Variants in PRKAG2 observed in about 807,000 individuals in gnomAD.
PRKAG2 encodes 5'-AMP-activated protein kinase subunit gamma-2.
Under a neutral mutation model 69.6 loss-of-function variants are expected in PRKAG2, and 26 were observed. That is an observed-to-expected ratio of 0.37 (90% confidence interval 0.27 to 0.52). PRKAG2 has a LOEUF of 0.52. PRKAG2 is among the 20% of genes least tolerant of loss of function. PRKAG2 has a pLI of 0.90. For synonymous variants in PRKAG2, 293 were observed against 285.0 expected (o/e 1.03, Z -0.28); for missense variants, 557 against 740.0 (o/e 0.75, Z 2.87).
At chr7:151,802,400 C>T (rs1314787837) in intron 1 of PRKAG2, among the ~76,000 whole-genome samples, 4 of 152,070 alleles carry the variant, frequency 2.6e-5, no homozygotes, top group Non-Finnish European at 5.9e-5. Context: ...CCAGGATGGC[C>T]GAGGGTGCCA....
intron 3 of PRKAG2, among the ~76,000 whole-genome samples, chr7:151,745,723 G>A (rs1015600392): frequency 6.6e-6 from 1 of 152,176 alleles, no homozygotes; most frequent in Non-Finnish European, 1.5e-5. Context: ...GGTGAAAAAC[G>A]ATAGCAATAA....
At chr7:151,734,046 C>T (rs1799375841) in intron 3 of PRKAG2, among the ~76,000 whole-genome samples, 1 of 152,064 alleles carries the variant, frequency 6.6e-6, no homozygotes, top group South Asian at 2.1e-4. Context: ...GTAGCTGGAA[C>T]TCTACTCGAT....
At chr7:151,685,844 T>C (rs1258619949) in intron 3 of PRKAG2, among the ~76,000 whole-genome samples, 1 of 152,136 alleles carries the variant, frequency 6.6e-6, no homozygotes, top group Non-Finnish European at 1.5e-5. Context: ...CTTGGGATCC[T>C]CATTTTTTTA....
At chr7:151,866,645 A>G (rs984376929) in intron 1 of PRKAG2, among the ~76,000 whole-genome samples, 15 of 152,292 alleles carry the variant, frequency 9.8e-5, no homozygotes, top group African/African-American at 3.6e-4. Flanking sequence ...GGTGCTTATT[A>G]CAACATATGC....
At chr7:151,653,990 C>T (rs751365732) in intron 4 of PRKAG2, among the ~76,000 whole-genome samples, 3 of 152,096 alleles carry the variant, frequency 2.0e-5, no homozygotes, top group Non-Finnish European at 4.4e-5. Context: ...CCCTTATATG[C>T]AATATAATTT....
At chr7:151,747,295 G>A (rs915341158) in intron 3 of PRKAG2, among the ~76,000 whole-genome samples, 18 of 152,178 alleles carry the variant, frequency 1.2e-4, no homozygotes, top group African/African-American at 4.1e-4. Flanking sequence ...GTTGGCTCTC[G>A]CCAGTAATCT....
chr7:151,569,755 T>C (rs1807109279), intron 10 of PRKAG2, among the ~76,000 whole-genome samples: 1 of 152,208 alleles, frequency 6.6e-6, no homozygotes, highest in African/African-American at 2.4e-5. Context: ...AGGCAGCCCA[T>C]GCTCTCACCA....
At chr7:151,660,285 A>G (rs1488001600) in intron 4 of PRKAG2, among the ~76,000 whole-genome samples, 1 of 152,224 alleles carries the variant, frequency 6.6e-6, no homozygotes, top group Non-Finnish European at 1.5e-5. Context: ...CCTTTCTTTC[A>G]ATCTCCCAGC....
chr7:151,643,418 C>G (rs1827078131), intron 4 of PRKAG2, among the ~76,000 whole-genome samples: 1 of 152,176 alleles, frequency 6.6e-6, no homozygotes. Flanking sequence ...ATTCATTAAC[C>G]CTTTCTAGAA....
rs1486850590 is a variant in PRKAG2, at chr7:151,836,750, C to A, written c.114+39757G>T. Among the ~76,000 whole-genome samples the A allele has an allele frequency of 1.3e-5, 2 of 152,212 alleles. No homozygotes were observed. The highest frequency in any genetic ancestry group is 2.9e-5 in the Non-Finnish European group (2 of 68,038). ...GAGAACTGTGAGGTAGGACCTAGCC[C>A]CTCGGGTCCCCTGCCCTCTCCTCCT... On this transcript the variant is annotated intron_variant, in intron 1 of 15. Coordinates refer to ENST00000287878, the MANE Select transcript of PRKAG2 (RefSeq NM_016203.4). This position sits in a 1 kb window ranked among gnomAD's most constrained non-coding sequence, Gnocchi z 4.1.
At chr7:151,795,847 A>ATG (rs1491304099) in intron 1 of PRKAG2, among the ~76,000 whole-genome samples, 2 of 4,976 alleles carry the variant, frequency 4.0e-4, no homozygotes, top group South Asian at 6.7e-3. Flanking sequence ...AACAAATCTC[A>ATG]TATATATATA....
chr7:151,865,883 G>A (rs6945429), intron 1 of PRKAG2, among the ~76,000 whole-genome samples: 159 of 152,184 alleles, frequency 1.0e-3, no homozygotes, highest in African/African-American at 3.7e-3. Context: ...AGCTGGGTGT[G>A]GTGGCGGGCG....
intron 1 of PRKAG2, among the ~76,000 whole-genome samples, chr7:151,843,056 A>C (rs2079348747): frequency 6.6e-6 from 1 of 152,036 alleles, no homozygotes; most frequent in Non-Finnish European, 1.5e-5. Flanking sequence ...ACACACATAC[A>C]CGCAGGCCAT....
intron 1 of PRKAG2, among the ~76,000 whole-genome samples, chr7:151,845,216 G>A (rs2079403102): frequency 6.6e-6 from 1 of 151,976 alleles, no homozygotes; most frequent in African/African-American, 2.4e-5. Flanking sequence ...CTCGTCTGTG[G>A]CCTGCTTGAG....
chr7:151,611,711 G>A (rs1207439186), intron 5 of PRKAG2, among the ~76,000 whole-genome samples: 2 of 152,090 alleles, frequency 1.3e-5, no homozygotes. Flanking sequence ...CTTACGTGGG[G>A]TGGTCCAGAT....
chr7:151,726,400 A>ACACACACACACACG (rs557849317), intron 3 of PRKAG2, among the ~76,000 whole-genome samples: 11 of 102,610 alleles, frequency 1.1e-4, no homozygotes, highest in African/African-American at 2.8e-4. Context: ...ACACACACAC[A>ACACACACACACACG]CGCACACACA....
At chr7:151,675,895 T>C (rs1832865858) in intron 3 of PRKAG2, among the ~76,000 whole-genome samples, 1 of 152,186 alleles carries the variant, frequency 6.6e-6, no homozygotes, top group South Asian at 2.1e-4. Context: ...CAAATTATTC[T>C]GAATGTTGAG....
intron 4 of PRKAG2, among the ~76,000 whole-genome samples, chr7:151,634,392 G>A (rs111265278): frequency 6.6e-6 from 1 of 152,118 alleles, no homozygotes; most frequent in South Asian, 2.1e-4. Flanking sequence ...TTGGGAACTG[G>A]GGCAAGGCAA....
At chr7:151,792,047 C>A (rs2077292759) in intron 1 of PRKAG2, among the ~76,000 whole-genome samples, 1 of 152,216 alleles carries the variant, frequency 6.6e-6, no homozygotes, top group African/African-American at 2.4e-5. Flanking sequence ...GCTCAGAACT[C>A]TTTCTATGAA....
Sources: allele counts gnomAD v4.1 joint callset (sites outside exome capture counted in the v4.1 genomes callset), GRCh38; gene constraint gnomAD v4.1.1; non-coding constraint Gnocchi (gnomAD v3.1); transcripts MANE v1.5; gene names NCBI Gene and HGNC (gene_info 2026-07-23, HGNC 2026-07-21).